Variants in NXN observed in about 807,000 individuals in gnomAD.
NXN encodes the protein nucleoredoxin 1.
In NXN, 16 loss-of-function variants were observed where a neutral mutation model predicts 48.6. That is an observed-to-expected ratio of 0.33 (90% CI 0.22 to 0.50). NXN has a LOEUF of 0.50. NXN is among the 20% of genes least tolerant of loss of function. NXN has a pLI of 0.98. For synonymous variants in NXN, 281 were observed against 269.6 expected (o/e 1.04, Z -0.41); for missense variants, 492 against 605.5 (o/e 0.81, Z 1.97).
At chr17:954,459 G>T (rs960327154) in intron 1 of NXN, among the ~76,000 whole-genome samples, 1 of 152,308 alleles carries the variant, frequency 6.6e-6, no homozygotes, top group East Asian at 1.9e-4. Flanking sequence ...GGTCTGACCC[G>T]GCAGCCTCCC....
chr17:877,368 G>T (rs1364411934), intron 1 of NXN, among the ~76,000 whole-genome samples: 1 of 151,946 alleles, frequency 6.6e-6, no homozygotes, highest in Non-Finnish European at 1.5e-5. Flanking sequence ...GGATGGTCTC[G>T]ATCTCCTGAC....
chr17:885,049 G>A (rs768562412), intron 1 of NXN, among the ~76,000 whole-genome samples: 1 of 152,198 alleles, frequency 6.6e-6, no homozygotes, highest in African/African-American at 2.4e-5. Flanking sequence ...AGACCAAGCG[G>A]AGCTGAGTCA....
In NXN at chr17:822,345, G is replaced by C. The variant is rs781532928; in HGVS notation, c.713+12C>G. Reference sequence around the variant, plus strand: ...ACAGAAAAGGGGCCCAGCACTTCACGGCACGACTGACCTGTCTGCACTAAC... The same window carrying C: ...ACAGAAAAGGGGCCCAGCACTTCACCGCACGACTGACCTGTCTGCACTAAC... On this transcript the variant is annotated intron_variant, in intron 4 of 7. Coordinates refer to ENST00000336868, the MANE Select transcript of NXN (RefSeq NM_022463.5). 1 of 1,599,236 alleles carries C rather than the reference G, an allele frequency of 6.3e-7. No homozygotes were observed. Among genetic ancestry groups the C allele is most frequent in the Non-Finnish European group, 8.6e-7 (1 of 1,167,004 alleles).
intron 1 of NXN, among the ~76,000 whole-genome samples, chr17:843,055 A>AGAAAGAAAGAAAGAAG (rs1567829182): frequency 2.6e-5 from 3 of 116,328 alleles, no homozygotes; most frequent in East Asian, 5.1e-4. Context: ...AAAGAAAGAA[A>AGAAAGAAAGAAAGAAG]GAAGGAAGAA....
intron 1 of NXN, among the ~76,000 whole-genome samples, chr17:916,269 T>G (rs2068687931): frequency 6.6e-6 from 1 of 152,174 alleles, no homozygotes; most frequent in Non-Finnish European, 1.5e-5. Flanking sequence ...AGTGAGGTGC[T>G]GTGAGGTTCC....
chr17:960,016 C>T (rs914127173), intron 1 of NXN, among the ~76,000 whole-genome samples: 8 of 151,926 alleles, frequency 5.3e-5, no homozygotes, highest in African/African-American at 1.2e-4. Flanking sequence ...CGCTTGAACC[C>T]GGGGGGCAGA....
intron 1 of NXN, among the ~76,000 whole-genome samples, chr17:868,041 G>C (rs1321033346): frequency 1.3e-5 from 2 of 152,206 alleles, no homozygotes; most frequent in Non-Finnish European, 2.9e-5. Flanking sequence ...GGACACAGCA[G>C]GGACATGTGT....
intron 1 of NXN, among the ~76,000 whole-genome samples, chr17:938,726 G>A (rs1168291262): frequency 1.3e-5 from 2 of 151,260 alleles, no homozygotes; most frequent in African/African-American, 4.9e-5. Context: ...AAGAAAACAG[G>A]CAAAATCAAA....
chr17:925,594 G>T (rs1422988193), intron 1 of NXN, among the ~76,000 whole-genome samples: 1 of 152,168 alleles, frequency 6.6e-6, no homozygotes. Flanking sequence ...TCACCATGTT[G>T]GCCAGGCTGG....
chr17:856,593 T>C (rs1281817376), intron 1 of NXN, among the ~76,000 whole-genome samples: 1 of 150,570 alleles, frequency 6.6e-6, no homozygotes, highest in Non-Finnish European at 1.5e-5. Context: ...CGGGTTCAAG[T>C]GAGTCTCCTG....
intron 5 of NXN, among the ~76,000 whole-genome samples, chr17:813,707 G>A (rs1377460413): frequency 2.0e-5 from 3 of 152,118 alleles, no homozygotes; most frequent in Non-Finnish European, 2.9e-5. Flanking sequence ...GGTGGCTCAC[G>A]CCTGTAATCC....
At chr17:843,006 GAGAAAGAA>G (rs781376999) in intron 1 of NXN, among the ~76,000 whole-genome samples, 5,080 of 95,538 alleles carry the variant, frequency 0.053, 108 homozygotes, top group Middle Eastern at 0.08. Context: ...GAGAGAAAGA[GAGAAAGAA>G]AGAAAGAAAG....
At chr17:903,107 C>G (rs1369602172) in intron 1 of NXN, among the ~76,000 whole-genome samples, 1 of 152,136 alleles carries the variant, frequency 6.6e-6, no homozygotes, top group Admixed American at 6.6e-5. Flanking sequence ...CTGGTACCCA[C>G]AATATTGAAC....
intron 1 of NXN, among the ~76,000 whole-genome samples, chr17:836,982 T>TATTATTATTATTA (rs1913863579): frequency 6.6e-6 from 1 of 150,438 alleles, no homozygotes; most frequent in East Asian, 2.0e-4. Context: ...TTATTATTAT[T>TATTATTATTATTA]ATTATTATTT....
chr17:882,922 C>G (rs562518885), intron 1 of NXN, among the ~76,000 whole-genome samples: 1 of 152,114 alleles, frequency 6.6e-6, no homozygotes, highest in East Asian at 1.9e-4. Flanking sequence ...GCCACCACGC[C>G]CAGCTAATTT....
intron 1 of NXN, chr17:909,789 C>G (rs149283717): frequency 6.6e-6 from 1 of 152,100 alleles, no homozygotes; most frequent in African/African-American, 2.4e-5. Flanking sequence ...CCACCCACCT[C>G]GGCCTCCCAC....
intron 1 of NXN, among the ~76,000 whole-genome samples, chr17:837,942 A>G (rs948628488): frequency 3.9e-5 from 6 of 152,164 alleles, no homozygotes; most frequent in Non-Finnish European, 8.8e-5. Flanking sequence ...GAGGTTCACA[A>G]AACAACATGT....
intron 1 of NXN, among the ~76,000 whole-genome samples, chr17:892,113 C>T (rs200864495): frequency 9.0e-5 from 10 of 110,676 alleles, no homozygotes; most frequent in South Asian, 3.4e-4. Flanking sequence ...CCATGCACAA[C>T]CCAACAGGGA....
intron 1 of NXN, among the ~76,000 whole-genome samples, chr17:970,313 C>T (rs552589767): frequency 5.8e-4 from 88 of 151,944 alleles, no homozygotes; most frequent in African/African-American, 2.1e-3. Flanking sequence ...CCTAGGATCT[C>T]GGCAGGACAC....
Sources: gnomAD v4.1 joint callset for allele counts (sites outside exome capture counted in the v4.1 genomes callset) on GRCh38, gnomAD v4.1.1 for gene constraint, MANE v1.5 for transcripts, NCBI Gene and HGNC (gene_info 2026-07-23, HGNC 2026-07-21) for gene names.